The following PCDH11X variants were observed in gnomAD, a reference collection of about 807,000 sequenced individuals.
The protein encoded by PCDH11X is protocadherin-11 X-linked.
Under a neutral mutation model 53.3 loss-of-function variants are expected in PCDH11X, and 18 were observed. The ratio of observed to expected loss-of-function variants is 0.34; its 90% CI spans 0.23 to 0.50. The LOEUF (loss-of-function observed/expected upper bound fraction) is 0.50, where lower values mean the gene tolerates loss of function less well. PCDH11X is among the 20% of genes least tolerant of loss of function. The pLI, the probability that PCDH11X is intolerant of heterozygous loss-of-function variation, is 0.98. For missense variants in PCDH11X, 570 were observed against 1,032.4 expected (o/e 0.55, Z 6.14); for synonymous variants, 279 against 393.3 (o/e 0.71, Z 3.44).
rs66767343 is a variant in PCDH11X, at chrX:92,520,226, A to ATT, written c.3367+51916_3367+51917dup. Among the ~76,000 whole-genome samples, 395 of 103,394 alleles carry ATT rather than the reference A, an allele frequency of 3.8e-3. 2 individuals carry two copies. Among genetic ancestry groups the ATT allele is most frequent in the South Asian group, 6.1e-3 (14 of 2,311 alleles). 89.8% of individuals were successfully genotyped at this position (103,394 alleles called of 115,157 possible). A position where few individuals can be genotyped will look rare whatever the true frequency, so the allele number is the denominator to read the frequency against. On this transcript the variant is annotated intron_variant, in intron 10 of 10. Transcript: ENST00000682573. The stretch of plus-strand genomic sequence containing the variant: ...ATACTGATAAATACAAATCTCTCAG[A>ATT]TTTTTTTTTTTTTGGTTTCCCAATG...
chrX:92,142,366 GCGCGCA>G (rs1569384036), intron 6 of PCDH11X, among the ~76,000 whole-genome samples: 2 of 72,041 alleles, frequency 2.8e-5, no homozygotes, highest in African/African-American at 1.0e-4. Context: ...GCATGTGCGC[GCGCGCA>G]CACACACACA....
At chrX:92,039,396 T>C (rs1319642697) in intron 6 of PCDH11X, among the ~76,000 whole-genome samples, 1 of 111,761 alleles carries the variant, frequency 8.9e-6, no homozygotes, top group Non-Finnish European at 1.9e-5. Flanking sequence ...GGTATTCTAT[T>C]GTACTATGGC....
intron 6 of PCDH11X, among the ~76,000 whole-genome samples, chrX:92,019,213 A>C (rs1444714635): frequency 9.2e-6 from 1 of 108,798 alleles, no homozygotes; most frequent in African/African-American, 3.4e-5. Context: ...GGCGAGTTAA[A>C]CTGTCAAGGA....
chrX:91,800,020 C>T (rs1261960464), intron 1 of PCDH11X, among the ~76,000 whole-genome samples: 20 of 112,472 alleles, frequency 1.8e-4, no homozygotes, highest in African/African-American at 5.5e-4. Flanking sequence ...ACCCGGGAGG[C>T]GGAGGTTGCA....
chrX:91,806,733 A>C lies in PCDH11X; in HGVS notation c.-378-2733A>C, dbSNP rs192010569. 2.4e-4 allele frequency among the ~76,000 whole-genome samples: 27 copies of C among 112,093 alleles called. No homozygotes were observed. In the East Asian group the frequency reaches 7.6e-3, roughly 32 times the overall value. Reference sequence around the variant, plus strand: ...GTCAGTGCAGGAAAAACAACAAAAAAATCTTCAGAAACTTTCTTACCATTG... The same window carrying C: ...GTCAGTGCAGGAAAAACAACAAAAACATCTTCAGAAACTTTCTTACCATTG... On this transcript the variant is annotated intron_variant, in intron 1 of 10. Coordinates refer to ENST00000682573, the MANE Select transcript of PCDH11X (RefSeq NM_032968.5).
At chrX:92,178,230 T>C (rs964632368) in intron 6 of PCDH11X, among the ~76,000 whole-genome samples, 2 of 111,618 alleles carry the variant, frequency 1.8e-5, no homozygotes, top group Admixed American at 9.6e-5. Context: ...ACTCTCAAAA[T>C]AATGAAAACT....
chrX:92,263,125 A>G lies in PCDH11X; in HGVS notation c.3126A>G (p.Glu1042=), dbSNP rs773960934. 2.5e-5 allele frequency: 30 copies of G among 1,185,443 alleles called. No individual in the cohort carries two copies. The South Asian group carries it at 3.3e-4, about 13-fold the overall frequency. The change falls in exon 8 of 11, where the codon GAA becomes GAG. Residue 1042 remains glutamate, a synonymous_variant. Transcript: ENST00000682573. ...TTATCCTAAATCAGCGGAAATCTGA[A>G]GGGAAAGTGGCAGGAAAGGTAAGAC... The part of the protein sequence containing the change: ...WIHPQPQRKS[E]GKVAGKSQRR...
intron 8 of PCDH11X, among the ~76,000 whole-genome samples, chrX:92,382,562 T>C (rs772796042): frequency 1.8e-5 from 2 of 111,159 alleles, no homozygotes; most frequent in East Asian, 5.7e-4. Context: ...GACACAAGAA[T>C]GCTGGGGATT....
chrX:92,449,742 A>T (rs2072740709), intron 9 of PCDH11X, among the ~76,000 whole-genome samples: 1 of 110,769 alleles, frequency 9.0e-6, no homozygotes, highest in Non-Finnish European at 1.9e-5. Context: ...TTAAGCCCAC[A>T]AAAAGCTCTA....
rs778767931 is a variant in PCDH11X, at chrX:92,331,372, TTCC to T, written c.3145-56345_3145-56343del. On this transcript the variant is annotated intron_variant, in intron 8 of 10. Transcript: ENST00000682573. ...CCCCCTCCTCTTCCTCCTCCTCCTTTTCCTCCTCCTCCTCCTCCTCTTCCTTCT... is the reference window on the plus strand; with the variant it reads ...CCCCCTCCTCTTCCTCCTCCTCCTTTTCCTCCTCCTCCTCCTCTTCCTTCT... Among the ~76,000 whole-genome samples, 318 of 83,410 alleles carry T rather than the reference TTCC, an allele frequency of 3.8e-3. 1 individual carries two copies. The highest frequency in any genetic ancestry group is 6.7e-3 in the African/African-American group (146 of 21,861). 72.4% of individuals were successfully genotyped at this position (83,410 alleles called of 115,157 possible).
intron 6 of PCDH11X, among the ~76,000 whole-genome samples, chrX:91,932,439 C>T (rs1028285050): frequency 2.0e-4 from 19 of 96,538 alleles, no homozygotes; most frequent in Non-Finnish European, 2.9e-4. Flanking sequence ...GAAGAGAGTA[C>T]AGTAAAGATA....
chrX:92,239,778 G>A (rs2067232560), intron 7 of PCDH11X, among the ~76,000 whole-genome samples: 1 of 111,273 alleles, frequency 9.0e-6, no homozygotes, highest in Admixed American at 9.6e-5. Flanking sequence ...TGCAACTTCT[G>A]GCACATACTC....
chrX:92,142,738 A>G (rs2065204752), intron 6 of PCDH11X, among the ~76,000 whole-genome samples: 1 of 109,724 alleles, frequency 9.1e-6, no homozygotes. Flanking sequence ...TTCTGCCGTG[A>G]ACTACTGGAT....
chrX:91,938,679 TG>T (rs1201900612), intron 6 of PCDH11X, among the ~76,000 whole-genome samples: 2 of 111,095 alleles, frequency 1.8e-5, no homozygotes, highest in Non-Finnish European at 3.8e-5. Flanking sequence ...GAATAATGCC[TG>T]GTTCTTATAC....
chrX:92,452,463 GTATATATATATA>G (rs763381982), intron 9 of PCDH11X, among the ~76,000 whole-genome samples: 6,847 of 44,750 alleles, frequency 0.15, 509 homozygotes, highest in South Asian at 0.19. Context: ...GTGTGTGTGT[GTATATATATATA>G]TATATATATA....
At chrX:92,526,349 T>C (rs2074452739) in intron 10 of PCDH11X, among the ~76,000 whole-genome samples, 1 of 109,403 alleles carries the variant, frequency 9.1e-6, no homozygotes, top group South Asian at 4.0e-4. Flanking sequence ...AGTTCATGTT[T>C]ACAATGGGGA....
intron 6 of PCDH11X, among the ~76,000 whole-genome samples, chrX:91,927,906 GAGGAAGAATTGTACTC>G (rs1056205936): frequency 4.5e-5 from 5 of 111,168 alleles, no homozygotes; most frequent in African/African-American, 1.6e-4. Context: ...GGGTGTGGAG[GAGGAAGAATTGTACTC>G]AGGGCCCCAT....
chrX:92,322,098 C>T (rs1438806705), intron 8 of PCDH11X, among the ~76,000 whole-genome samples: 2 of 109,715 alleles, frequency 1.8e-5, no homozygotes, highest in Non-Finnish European at 3.8e-5. Context: ...TAATTTACTC[C>T]GTAGCCTATT....
intron 8 of PCDH11X, among the ~76,000 whole-genome samples, chrX:92,310,097 C>T (rs2068917834): frequency 8.9e-6 from 1 of 111,733 alleles, no homozygotes; most frequent in Admixed American, 9.6e-5. Context: ...CACTCTGTTG[C>T]TGTTTTTGTT....
Sources: gnomAD v4.1 joint callset for allele counts (sites outside exome capture counted in the v4.1 genomes callset) on GRCh38, gnomAD v4.1.1 for gene constraint, MANE v1.5 for transcripts, NCBI Gene and HGNC (gene_info 2026-07-23, HGNC 2026-07-21) for gene names.